Variants in JMJD1C observed in about 807,000 individuals in gnomAD.
JMJD1C encodes jumonji domain containing 1C, also known as jumonji domain-containing protein 1C.
A neutral mutation model predicts 245.3 loss-of-function variants in JMJD1C; 31 were observed. The ratio of observed to expected loss-of-function variants is 0.13; its 90% CI spans 0.09 to 0.17. The LOEUF (loss-of-function observed/expected upper bound fraction) is 0.17. Among genes scored for constraint, JMJD1C ranks in the 10% least tolerant of loss-of-function variants. The pLI is 1.00. For synonymous variants in JMJD1C, 1,057 were observed against 1,017.4 expected, an observed-to-expected ratio of 1.04 and a Z score of -0.74; for missense variants, 2,691 against 3,000.2, an observed-to-expected ratio of 0.90 and a Z score of 2.41.
intron 1 of JMJD1C, among the ~76,000 whole-genome samples, chr10:63,494,557 A>C (rs1314803875): frequency 2.6e-5 from 4 of 152,210 alleles, no homozygotes; most frequent in Non-Finnish European, 5.9e-5. Context: ...AATCATGAGT[A>C]AAAGTTTTAA....
At chr10:63,303,237 T>C (rs908092027) in intron 2 of JMJD1C, among the ~76,000 whole-genome samples, 7 of 152,220 alleles carry the variant, frequency 4.6e-5, no homozygotes, top group Non-Finnish European at 7.3e-5. Context: ...CTTGTATGTA[T>C]TGTGACTCAT....
intron 24 of JMJD1C, among the ~76,000 whole-genome samples, chr10:63,174,870 G>C (rs1246305972): frequency 6.6e-6 from 1 of 151,490 alleles, no homozygotes; most frequent in African/African-American, 2.4e-5. Flanking sequence ...AAAAAAAACT[G>C]CAAGAGGGAA....
chr10:63,417,557 G>T (rs1949879187), intron 1 of JMJD1C, among the ~76,000 whole-genome samples: 1 of 152,208 alleles, frequency 6.6e-6, no homozygotes, highest in Admixed American at 6.5e-5. Flanking sequence ...AAAATCAAGT[G>T]ACTACACAGA....
At position 63,465,676 on chromosome 10, in the gene JMJD1C, G is replaced by A. The variant is rs761853930; in HGVS notation, c.-14C>T. ...CTCTACCGCCATAGCTGTCGCTGCC[G>A]AAGCGGCCGCTGCCTCCTCCAGTGC... is the stretch of plus-strand genomic sequence containing the variant. On this transcript the variant is annotated 5_prime_UTR_variant, in exon 1 of 26. Transcript: ENST00000399262. The A allele has an allele frequency of 3.7e-6, 6 of 1,606,598 alleles. No homozygotes were observed. Among genetic ancestry groups the A allele is most frequent in the Admixed American group, 1.7e-5 (1 of 59,992 alleles).
At chr10:63,311,718 C>T (rs778161566) in intron 2 of JMJD1C, among the ~76,000 whole-genome samples, 1 of 152,086 alleles carries the variant, frequency 6.6e-6, no homozygotes, top group Non-Finnish European at 1.5e-5. Flanking sequence ...AATGCCTACA[C>T]ATATAGTATA....
intron 2 of JMJD1C, among the ~76,000 whole-genome samples, chr10:63,284,394 T>A (rs1233542179): frequency 6.6e-6 from 1 of 152,178 alleles, no homozygotes; most frequent in African/African-American, 2.4e-5. Flanking sequence ...TCATTATGTT[T>A]ATTACTGTCA....
intron 3 of JMJD1C, among the ~76,000 whole-genome samples, chr10:63,221,744 G>A (rs759430571): frequency 3.3e-5 from 5 of 152,124 alleles, no homozygotes; most frequent in South Asian, 2.1e-4. Flanking sequence ...TTTTTGAGAC[G>A]GAGTTTTGCT....
chr10:63,467,912 T>C (rs1267619449), upstream of JMJD1C, among the ~76,000 whole-genome samples: 5 of 152,214 alleles, frequency 3.3e-5, no homozygotes, highest in African/African-American at 9.6e-5. Context: ...ATAAAGTCAT[T>C]TGAGAAAAAC....
chr10:63,171,336 G>T (rs115859763), intron 24 of JMJD1C, among the ~76,000 whole-genome samples: 1,997 of 152,250 alleles, frequency 0.013, 30 homozygotes, highest in African/African-American at 0.034. Context: ...GGTAAGATTT[G>T]TAAGTCTCCA....
rs563832554 is a variant in JMJD1C, at chr10:63,292,949, C to T, written c.334-28185G>A. On this transcript the variant is annotated intron_variant, in intron 2 of 25. Coordinates refer to ENST00000399262, the MANE Select transcript of JMJD1C (RefSeq NM_032776.3). ...ATCCCAGCTACTTGAGAAGCTGAGGCAGGAAAATCACTTGAACTCAGGAGG... is the reference window on the plus strand; with the variant it reads ...ATCCCAGCTACTTGAGAAGCTGAGGTAGGAAAATCACTTGAACTCAGGAGG... Among the ~76,000 whole-genome samples the T allele has an allele frequency of 9.9e-5, 15 of 151,952 alleles. No individual in the cohort carries two copies. The South Asian group carries it at 3.1e-3, about 32-fold the overall frequency.
Position 63,397,335 on chromosome 10 carries a change from C to A in JMJD1C, c.169-16853G>T, listed in dbSNP as rs186253387. On this transcript the variant is annotated intron_variant, in intron 1 of 25. Coordinates refer to ENST00000399262, the MANE Select transcript of JMJD1C (RefSeq NM_032776.3). ...TTCAAGCAATTCTCCTGCCTCAGCC[C>A]CCCGGATAGCTGGGATTACAGGCAT... 6.4e-3 allele frequency among the ~76,000 whole-genome samples: 974 copies of A among 151,874 alleles called. 4 individuals carry two copies. Among genetic ancestry groups the A allele is most frequent in the Non-Finnish European group, 9.5e-3 (648 of 67,934 alleles).
intron 3 of JMJD1C, 87 bp downstream of exon 3, chr10:63,264,564 A>T: frequency 1.6e-6 from 1 of 633,682 alleles, no homozygotes. Context: ...ATGAAATGAT[A>T]TTTAAAGAAT....
At chr10:63,390,874 C>A (rs982418612) in intron 1 of JMJD1C, among the ~76,000 whole-genome samples, 1 of 152,080 alleles carries the variant, frequency 6.6e-6, no homozygotes, top group African/African-American at 2.4e-5. Context: ...TTGTGACAAA[C>A]AACAGCTAGC....
chr10:63,319,238 C>T lies in JMJD1C; in HGVS notation c.334-54474G>A, dbSNP rs546535088. On this transcript the variant is annotated intron_variant, in intron 2 of 25. Transcript: ENST00000399262. Reference sequence around the variant, plus strand: ...CGCCACTGCACTCCAGCCTGGGCGACAGAGCGAGACTCCATCTAAAAAAAA... The same window carrying T: ...CGCCACTGCACTCCAGCCTGGGCGATAGAGCGAGACTCCATCTAAAAAAAA... Among the ~76,000 whole-genome samples, 50 of 121,364 alleles carry T rather than the reference C, an allele frequency of 4.1e-4. No homozygotes were observed. The East Asian group carries it at 0.012, about 30-fold the overall frequency. The allele number at this position is 121,364 out of a possible 152,430, so 79.6% of individuals were successfully genotyped here.
At chr10:63,318,054 C>A (rs1160364099) in intron 2 of JMJD1C, among the ~76,000 whole-genome samples, 2 of 152,166 alleles carry the variant, frequency 1.3e-5, no homozygotes, top group Non-Finnish European at 2.9e-5. Context: ...ATCACCCAGG[C>A]TGGAGTGCAG....
Position 63,186,384 on chromosome 10 carries a change from C to G in JMJD1C, c.6571-1G>C. ...TATGCACACCAGAAACCACTGCAGG[C>G]TTATAAATAGATAAATAAATAACAG... is the stretch of plus-strand genomic sequence containing the variant. On this transcript the variant is annotated splice_acceptor_variant, in intron 18 of 25. Transcript: ENST00000399262. LOFTEE classifies it high-confidence loss of function. 6.3e-7 allele frequency: 1 copy of G among 1,581,522 alleles called. No individual in the cohort carries two copies. Among genetic ancestry groups the G allele is most frequent in the Non-Finnish European group, 8.6e-7 (1 of 1,166,912 alleles).
At chr10:63,403,416 A>G (rs188812760) in intron 1 of JMJD1C, among the ~76,000 whole-genome samples, 90 of 152,210 alleles carry the variant, frequency 5.9e-4, no homozygotes, top group African/African-American at 2.1e-3. Context: ...GTAATACCAT[A>G]TAAGAGCTTG....
intron 3 of JMJD1C, among the ~76,000 whole-genome samples, chr10:63,229,382 T>C (rs2133374153): frequency 6.6e-6 from 1 of 152,110 alleles, no homozygotes. Flanking sequence ...GCACACTGCC[T>C]ACAGGGTAGC....
chr10:63,298,460 G>A (rs915285858), intron 2 of JMJD1C, among the ~76,000 whole-genome samples: 5 of 152,060 alleles, frequency 3.3e-5, no homozygotes, highest in Admixed American at 1.3e-4. Flanking sequence ...GCATCATGCC[G>A]ATCCCTGCCA....
Sources: allele counts gnomAD v4.1 joint callset (sites outside exome capture counted in the v4.1 genomes callset), GRCh38; gene constraint gnomAD v4.1.1; transcripts MANE v1.5; gene names NCBI Gene and HGNC (gene_info 2026-07-23, HGNC 2026-07-21).